SYTL3: variants seen among roughly 807,000 people sequenced by gnomAD.
The protein encoded by SYTL3 is synaptotagmin-like protein 3.
SYTL3 carries 88 observed loss-of-function variants against 82.1 expected under a neutral mutation model. The observed-to-expected ratio is 1.07, with a 90% CI of 0.90 to 1.28. SYTL3 has a LOEUF of 1.28. Ranked by LOEUF, SYTL3 falls within the 50% of genes most tolerant of loss-of-function variation. SYTL3 has a pLI of 0.00. For missense variants in SYTL3, 831 were observed against 757.6 expected, an observed-to-expected ratio of 1.10 and a Z score of -1.14; for synonymous variants, 311 against 289.4, an observed-to-expected ratio of 1.07 and a Z score of -0.76.
chr6:158,679,878 C>G (rs1422071267), intron 5 of SYTL3, among the ~76,000 whole-genome samples: 1 of 152,050 alleles, frequency 6.6e-6, no homozygotes, highest in Non-Finnish European at 1.5e-5. Context: ...GTATGTCTGT[C>G]TGTGTGTGTG....
intron 5 of SYTL3, among the ~76,000 whole-genome samples, chr6:158,674,659 G>A (rs868631335): frequency 4.6e-5 from 7 of 152,156 alleles, no homozygotes; most frequent in South Asian, 2.1e-4. Context: ...GCATCTAACC[G>A]TTTTTATTGC....
rs540226498 is a variant in SYTL3, at chr6:158,710,825, G to C, written c.516+2434G>C. 4.0e-5 allele frequency among the ~76,000 whole-genome samples: 6 copies of C among 149,354 alleles called. No individual in the cohort carries two copies. The South Asian group carries it at 1.3e-3, about 31-fold the overall frequency. On this transcript the variant is annotated intron_variant, in intron 8 of 17. Coordinates refer to ENST00000611299, the MANE Select transcript of SYTL3 (RefSeq NM_001242394.2). ...TGAGATGGAGTTTCACTCTTGTCCA[G>C]GCTGGAGTGCAATGGCGCAATCTTG...
At chr6:158,685,719 G>C (rs760769031) in intron 6 of SYTL3, among the ~76,000 whole-genome samples, 44 of 152,266 alleles carry the variant, frequency 2.9e-4, no homozygotes, top group African/African-American at 8.7e-4. Flanking sequence ...TCGGGAGGCT[G>C]AGGCAGGAGA....
intron 11 of SYTL3, among the ~76,000 whole-genome samples, chr6:158,727,724 C>T (rs1326258790): frequency 2.8e-5 from 3 of 108,602 alleles, no homozygotes; most frequent in East Asian, 4.3e-4. Context: ...CCCTCTGTTG[C>T]CCAGGCTGGA....
chr6:158,688,580 T>TA (rs1779531939), intron 6 of SYTL3, among the ~76,000 whole-genome samples: 1 of 152,168 alleles, frequency 6.6e-6, no homozygotes, highest in Non-Finnish European at 1.5e-5. Context: ...CTGGGCAGCA[T>TA]AGTGAGATCC....
intron 6 of SYTL3, among the ~76,000 whole-genome samples, chr6:158,704,564 C>T (rs968783623): frequency 3.3e-5 from 5 of 152,224 alleles, no homozygotes; most frequent in East Asian, 1.9e-4. Context: ...CAGGCAGGGC[C>T]GGCCTCACCG....
intron 6 of SYTL3, among the ~76,000 whole-genome samples, chr6:158,689,902 C>T (rs1281489259): frequency 2.6e-5 from 4 of 152,200 alleles, no homozygotes; most frequent in Non-Finnish European, 2.9e-5. Flanking sequence ...GATTCGCCTG[C>T]CTTGGCCTCC....
At chr6:158,761,533 C>T (rs1305501200) in intron 15 of SYTL3, among the ~76,000 whole-genome samples, 1 of 152,078 alleles carries the variant, frequency 6.6e-6, no homozygotes, top group East Asian at 1.9e-4. Context: ...TGGTCTCGAT[C>T]TCCTGACCTC....
chr6:158,652,788 A>C (rs1336603630), intron 2 of SYTL3, among the ~76,000 whole-genome samples: 1 of 148,908 alleles, frequency 6.7e-6, no homozygotes, highest in East Asian at 2.0e-4. Context: ...TGATCCACCC[A>C]CCTCAGCTTC....
chr6:158,708,036 G>A (rs1167816070), intron 7 of SYTL3, among the ~76,000 whole-genome samples: 2 of 152,200 alleles, frequency 1.3e-5, no homozygotes, highest in African/African-American at 2.4e-5. Context: ...CAGCCAGGTG[G>A]CAGGTCCAGG....
chr6:158,686,009 G>A (rs752210499), intron 6 of SYTL3, among the ~76,000 whole-genome samples: 13 of 152,170 alleles, frequency 8.5e-5, no homozygotes, highest in African/African-American at 2.4e-4. Flanking sequence ...TTTCTACGTC[G>A]TTAGAAGTTC....
At chr6:158,713,961 G>C in intron 9 of SYTL3, 83 bp downstream of exon 9, 8 of 961,438 alleles carry the variant, frequency 8.3e-6, no homozygotes, top group Admixed American at 2.0e-5. Context: ...CGGTGACCTC[G>C]GTTGACACTG....
intron 11 of SYTL3, among the ~76,000 whole-genome samples, chr6:158,737,037 G>A (rs1316842227): frequency 2.1e-4 from 26 of 126,620 alleles, no homozygotes; most frequent in Non-Finnish European, 3.5e-4. Context: ...TACATTTCAT[G>A]GCAAAAAAAA....
In SYTL3 at chr6:158,764,497, G is replaced by T. The variant is rs1223657377; in HGVS notation, c.1726G>T (p.Gly576Ter). ...LLGGTRLGSK[G>*]DTAVGGDACS... ...TAAATTGTCTTCCTCTCTTACAGAGGGAGACACAGCTGTTGGCGGGGATGC... is the reference window on the plus strand; with the variant it reads ...TAAATTGTCTTCCTCTCTTACAGAGTGAGACACAGCTGTTGGCGGGGATGC... The change falls in exon 18 of 18, where the codon GGA becomes TGA. Residue 576 changes from glycine to a stop codon, truncating the protein, a stop_gained and splice_region_variant. Transcript: ENST00000611299. LOFTEE classifies it low-confidence loss of function (END_TRUNC). 7 of 1,612,536 alleles carry T rather than the reference G, an allele frequency of 4.3e-6. No homozygotes were observed. The South Asian group carries it at 6.6e-5, about 15-fold the overall frequency.
At chr6:158,703,457 C>T (rs985192826) in intron 6 of SYTL3, among the ~76,000 whole-genome samples, 2 of 152,102 alleles carry the variant, frequency 1.3e-5, no homozygotes, top group Non-Finnish European at 2.9e-5. Flanking sequence ...GCTCCTTGCG[C>T]GAATACTGAC....
At position 158,722,762 on chromosome 6, in the gene SYTL3, G is replaced by GTTTTTTTTTT. The variant is rs34189391; in HGVS notation, c.721-2724_721-2715dup. 4.5e-3 allele frequency among the ~76,000 whole-genome samples: 360 copies of GTTTTTTTTTT among 80,872 alleles called. 20 individuals carry two copies. The highest frequency in any genetic ancestry group is 6.0e-3 in the Non-Finnish European group (261 of 43,854). The allele number at this position is 80,872 out of a possible 152,430, so 53.1% of individuals were successfully genotyped here. A position where few individuals can be genotyped will look rare whatever the true frequency, so the allele number is the denominator to read the frequency against. ...AGGAAAAAGATTTTCTCTCTTTTCT[G>GTTTTTTTTTT]TTTTTTTTTTTTTTTTTTTTTTTTT... On this transcript the variant is annotated intron_variant, in intron 10 of 17. Transcript: ENST00000611299.
intron 5 of SYTL3, among the ~76,000 whole-genome samples, chr6:158,667,480 T>C: frequency 6.6e-6 from 1 of 152,228 alleles, no homozygotes; most frequent in Non-Finnish European, 1.5e-5. Flanking sequence ...CGCAGCCCTC[T>C]GTCCTCTCTC....
intron 10 of SYTL3, among the ~76,000 whole-genome samples, chr6:158,723,916 C>T (rs142602293): frequency 2.6e-5 from 4 of 152,286 alleles, no homozygotes; most frequent in African/African-American, 4.8e-5. Context: ...TCTGTGTCCA[C>T]GTGTCTACGT....
chr6:158,658,917 G>A (rs150113193), intron 2 of SYTL3, among the ~76,000 whole-genome samples: 2,140 of 152,144 alleles, frequency 0.014, 43 homozygotes, highest in African/African-American at 0.049. Flanking sequence ...TGACAAGAGC[G>A]AAACTCCATC....
Sources: allele counts gnomAD v4.1 joint callset (sites outside exome capture counted in the v4.1 genomes callset), GRCh38; gene constraint gnomAD v4.1.1; transcripts MANE v1.5; gene names NCBI Gene and HGNC (gene_info 2026-07-23, HGNC 2026-07-21).